Variants in ROCK2 observed in about 807,000 individuals in gnomAD.
The protein encoded by ROCK2 is rho-associated protein kinase 2.
In ROCK2, 61 loss-of-function variants were observed where a neutral mutation model predicts 195.1. The ratio of observed to expected loss-of-function variants is 0.31; its 90% CI spans 0.25 to 0.39. The LOEUF (loss-of-function observed/expected upper bound fraction) is 0.39. ROCK2 is among the 10% of genes least tolerant of loss of function. The pLI, the probability that ROCK2 is intolerant of heterozygous loss-of-function variation, is 1.00. For missense variants in ROCK2, 1,109 were observed against 1,637.4 expected (o/e 0.68, Z 5.57); for synonymous variants, 504 against 545.5 (o/e 0.92, Z 1.06).
chr2:11,241,122 T>C (rs767362206), intron 4 of ROCK2, among the ~76,000 whole-genome samples: 4 of 152,240 alleles, frequency 2.6e-5, no homozygotes, highest in Admixed American at 6.5e-5. Context: ...CAAGGATATA[T>C]GTAATAAAAG....
chr2:11,294,948 C>T (rs375396442), intron 1 of ROCK2, among the ~76,000 whole-genome samples: 2 of 151,758 alleles, frequency 1.3e-5, no homozygotes, highest in Admixed American at 6.6e-5. Flanking sequence ...CCACTATGCC[C>T]GGCTACTTTT....
At chr2:11,309,805 C>A (rs1667976737) in intron 1 of ROCK2, among the ~76,000 whole-genome samples, 1 of 151,952 alleles carries the variant, frequency 6.6e-6, no homozygotes, top group Non-Finnish European at 1.5e-5. Flanking sequence ...TGTGATGAAA[C>A]CCTGTCTCTA....
chr2:11,256,443 C>T (rs1385808418), intron 3 of ROCK2, among the ~76,000 whole-genome samples: 1 of 151,370 alleles, frequency 6.6e-6, no homozygotes. Context: ...TTTCCTGAGG[C>T]CTGCCCAGCC....
intron 12 of ROCK2, 34 bp downstream of exon 12, chr2:11,217,056 T>C (rs1664459311): frequency 2.7e-6 from 3 of 1,112,826 alleles, no homozygotes; most frequent in African/African-American, 1.6e-5. Flanking sequence ...ACTTAAATTT[T>C]ATAATGTAAT....
intron 1 of ROCK2, among the ~76,000 whole-genome samples, chr2:11,316,088 T>TATA (rs970253665): frequency 6.6e-6 from 1 of 152,118 alleles, no homozygotes; most frequent in Non-Finnish European, 1.5e-5. Flanking sequence ...AAGCTCTCTT[T>TATA]AAAAGAACTA....
chr2:11,307,997 G>C (rs1282319875), intron 1 of ROCK2: 2 of 1,522,900 alleles, frequency 1.3e-6, no homozygotes, highest in Non-Finnish European at 1.8e-6. Context: ...TGGGGTAGGG[G>C]CAGGAGGGGA....
At position 11,344,379 on chromosome 2, in the gene ROCK2, T is replaced by G; in HGVS notation, c.-243A>C. On this transcript the variant is annotated 5_prime_UTR_variant, in exon 1 of 33. Coordinates refer to ENST00000315872, the MANE Select transcript of ROCK2 (RefSeq NM_004850.5). This position sits in a 1 kb window ranked among gnomAD's most constrained non-coding sequence, Gnocchi z 5.4. ...CGGGAGCGGCGGGGAACAGACGGCG[T>G]CCCCGCCCCTCAGTCAGATTCGCGC... 1 of 1,137,878 alleles carries G rather than the reference T, an allele frequency of 8.8e-7. No homozygotes were observed. The highest frequency in any genetic ancestry group is 1.1e-6 in the Non-Finnish European group (1 of 928,412). The allele number at this position is 1,137,878 out of a possible 1,614,324, so 70.5% of individuals were successfully genotyped here.
chr2:11,265,906 G>A (rs950346920), intron 3 of ROCK2, among the ~76,000 whole-genome samples: 7 of 145,434 alleles, frequency 4.8e-5, no homozygotes, highest in Non-Finnish European at 9.0e-5. Flanking sequence ...ACAAGTGTGG[G>A]CAACACTGGG....
At chr2:11,200,834 A>G in intron 23 of ROCK2, 123 bp downstream of exon 23, 2 of 797,774 alleles carry the variant, frequency 2.5e-6, no homozygotes, top group East Asian at 5.6e-5. Context: ...TAACTAGATT[A>G]AAAATCTTGT....
intron 3 of ROCK2, among the ~76,000 whole-genome samples, chr2:11,281,837 G>A: frequency 6.6e-6 from 1 of 152,124 alleles, no homozygotes; most frequent in Non-Finnish European, 1.5e-5. Context: ...ACAAAACTCT[G>A]ATGACAGAAA....
At chr2:11,184,829 T>A in intron 32 of ROCK2, 1 of 864,140 alleles carries the variant, frequency 1.2e-6, no homozygotes, top group Non-Finnish European at 1.4e-6. Flanking sequence ...TAACTTAATG[T>A]TATGACTTAG....
chr2:11,211,388 T>C (rs1203022955), intron 18 of ROCK2, among the ~76,000 whole-genome samples: 5 of 152,120 alleles, frequency 3.3e-5, no homozygotes, highest in African/African-American at 7.2e-5. Context: ...GTATACCGAG[T>C]GGTACAGATA....
At chr2:11,278,199 T>C (rs1052111371) in intron 3 of ROCK2, among the ~76,000 whole-genome samples, 1 of 152,232 alleles carries the variant, frequency 6.6e-6, no homozygotes, top group South Asian at 2.1e-4. Context: ...CCCATCTAAC[T>C]GAAATGTTGT....
At chr2:11,199,884 G>C (rs1663790710) in intron 23 of ROCK2, among the ~76,000 whole-genome samples, 1 of 152,108 alleles carries the variant, frequency 6.6e-6, no homozygotes, top group African/African-American at 2.4e-5. Context: ...TTATGTGAAT[G>C]CCTAAAATTT....
At chr2:11,232,045 TA>T (rs767406422) in intron 5 of ROCK2, among the ~76,000 whole-genome samples, 2 of 152,198 alleles carry the variant, frequency 1.3e-5, no homozygotes, top group Non-Finnish European at 2.9e-5. Flanking sequence ...TTTAAAAATG[TA>T]AAAGTTATTT....
rs1259104156 is a variant in ROCK2 at position 11,288,209 on chromosome 2, A to C, written c.142-473T>G. ...GTCTCAAAACTAAATTTCCTCTTAAAACAACAACAAAAGGATGATGCATTG... is the reference window on the plus strand; with the variant it reads ...GTCTCAAAACTAAATTTCCTCTTAACACAACAACAAAAGGATGATGCATTG... On this transcript the variant is annotated intron_variant, in intron 1 of 32. Transcript: ENST00000315872. Among the ~76,000 whole-genome samples the C allele has an allele frequency of 2.0e-5, 3 of 152,318 alleles. No homozygotes were observed. In the East Asian group the frequency reaches 5.8e-4, roughly 29 times the overall value.
chr2:11,187,461 C>T (rs1032368014), intron 32 of ROCK2, among the ~76,000 whole-genome samples: 1 of 152,190 alleles, frequency 6.6e-6, no homozygotes, highest in Non-Finnish European at 1.5e-5. Context: ...TGATTCCAGG[C>T]ATCCACTGGG....
At chr2:11,263,274 TCA>T (rs992466658) in intron 3 of ROCK2, among the ~76,000 whole-genome samples, 21 of 152,160 alleles carry the variant, frequency 1.4e-4, no homozygotes, top group African/African-American at 4.1e-4. Flanking sequence ...TCAGGAAGGA[TCA>T]CAGTCAATTC....
intron 1 of ROCK2, chr2:11,308,097 T>C: frequency 6.2e-7 from 1 of 1,610,884 alleles, no homozygotes; most frequent in Non-Finnish European, 8.5e-7. Flanking sequence ...CTGCGACTCT[T>C]GGGGCCAGCT....
Sources: gnomAD v4.1 joint callset for allele counts (sites outside exome capture counted in the v4.1 genomes callset) on GRCh38, gnomAD v4.1.1 for gene constraint, Gnocchi (gnomAD v3.1) non-coding constraint, MANE v1.5 for transcripts, NCBI Gene and HGNC (gene_info 2026-07-23, HGNC 2026-07-21) for gene names.